The following LRP1B variants were observed in gnomAD, a reference collection of about 807,000 sequenced individuals.
The protein encoded by LRP1B is low-density lipoprotein receptor-related protein 1B.
LRP1B carries 217 observed loss-of-function variants against 556.6 expected under a neutral mutation model. That is an observed-to-expected ratio of 0.39 (90% CI 0.35 to 0.44). The LOEUF is 0.44. LRP1B is among the 20% of genes least tolerant of loss of function. LRP1B has a pLI of 1.00. For synonymous variants in LRP1B, 2,047 were observed against 1,865.8 expected, an observed-to-expected ratio of 1.10 and a Z score of -2.50; for missense variants, 5,053 against 5,620.8, an observed-to-expected ratio of 0.90 and a Z score of 3.23.
chr2:141,590,124 T>G (rs1687284367), intron 2 of LRP1B, among the ~76,000 whole-genome samples: 1 of 152,176 alleles, frequency 6.6e-6, no homozygotes. Context: ...TTTACTTGAT[T>G]CTACCCAGGC....
intron 32 of LRP1B, among the ~76,000 whole-genome samples, chr2:140,793,889 A>G (rs564816839): frequency 5.3e-5 from 8 of 152,152 alleles, no homozygotes; most frequent in African/African-American, 1.9e-4. Flanking sequence ...TTTTTATTTT[A>G]TAGTTTATTT....
At chr2:141,109,717 A>T (rs1054783257) in intron 7 of LRP1B, among the ~76,000 whole-genome samples, 8 of 152,156 alleles carry the variant, frequency 5.3e-5, no homozygotes, top group Non-Finnish European at 1.2e-4. Flanking sequence ...TCAGAAAAAA[A>T]GGAAAGTGAA....
intron 66 of LRP1B, among the ~76,000 whole-genome samples, chr2:140,422,299 G>A (rs941319936): frequency 2.0e-5 from 3 of 152,202 alleles, no homozygotes. Context: ...CTGGGGATAA[G>A]ATGGTGTCAT....
chr2:140,370,524 T>C (rs1283222678), intron 71 of LRP1B, among the ~76,000 whole-genome samples, 186 bp downstream of exon 71: 2 of 152,042 alleles, frequency 1.3e-5, no homozygotes, highest in Non-Finnish European at 2.9e-5. Flanking sequence ...ATTGGGATTA[T>C]ACTCTGTCTG....
At chr2:141,872,969 C>T (rs905625152) in intron 1 of LRP1B, among the ~76,000 whole-genome samples, 2 of 151,922 alleles carry the variant, frequency 1.3e-5, no homozygotes, top group Non-Finnish European at 2.9e-5. Context: ...CAAGTCCTTC[C>T]TGAGGAATCT....
At chr2:141,815,426 G>A (rs1331900211) in intron 1 of LRP1B, among the ~76,000 whole-genome samples, 2 of 152,084 alleles carry the variant, frequency 1.3e-5, no homozygotes, top group Admixed American at 1.3e-4. Flanking sequence ...TCTGTAGCTA[G>A]GATTATAAAA....
intron 31 of LRP1B, among the ~76,000 whole-genome samples, chr2:140,820,680 G>A (rs1390880346): frequency 6.6e-6 from 1 of 151,956 alleles, no homozygotes; most frequent in African/African-American, 2.4e-5. Context: ...ATATTTTATA[G>A]CTTGATAAGT....
chr2:140,427,871 A>G lies in LRP1B; in HGVS notation c.10414+14633T>C, dbSNP rs1025205914. 2.0e-5 allele frequency among the ~76,000 whole-genome samples: 3 copies of G among 151,468 alleles called. No individual in the cohort carries two copies. In the Middle Eastern group the frequency reaches 0.01, roughly 515 times the overall value. On this transcript the variant is annotated intron_variant, in intron 66 of 90. Transcript: ENST00000389484. ...TCCTCCACCCTATAATCCTTTTATC[A>G]CCTCCCTTCCTCACACGGGGTCCGG...
intron 86 of LRP1B, among the ~76,000 whole-genome samples, chr2:140,254,667 C>A (rs1302916258): frequency 6.6e-6 from 1 of 152,088 alleles, no homozygotes; most frequent in Non-Finnish European, 1.5e-5. Flanking sequence ...AATTCTCCTG[C>A]CTCAGCTCCC....
chr2:140,664,126 A>G (rs532932497), intron 41 of LRP1B, among the ~76,000 whole-genome samples: 1 of 152,330 alleles, frequency 6.6e-6, no homozygotes, highest in African/African-American at 2.4e-5. Context: ...TGGTTACAAT[A>G]GTAAGATCAA....
intron 1 of LRP1B, among the ~76,000 whole-genome samples, chr2:141,863,553 G>A (rs1230418072): frequency 6.6e-6 from 1 of 152,128 alleles, no homozygotes; most frequent in East Asian, 1.9e-4. Context: ...CAATAGACTA[G>A]TAATTGCAGA....
chr2:141,794,299 C>T (rs1047274303), intron 2 of LRP1B, among the ~76,000 whole-genome samples: 1 of 151,874 alleles, frequency 6.6e-6, no homozygotes, highest in Admixed American at 6.6e-5. Flanking sequence ...TTTTTGATAT[C>T]AGGAGAGGCT....
chr2:140,738,276 A>G (rs1032657143), intron 35 of LRP1B, among the ~76,000 whole-genome samples: 1 of 152,064 alleles, frequency 6.6e-6, no homozygotes, highest in African/African-American at 2.4e-5. Context: ...TAACATTTGT[A>G]GGTAGTTTCA....
Position 142,115,537 on chromosome 2 carries a change from C to CATATGTAATATATATTAT in LRP1B, c.82+15110_82+15111insATAATATATATTACATAT, listed in dbSNP as rs1707176633. 1.4e-4 allele frequency among the ~76,000 whole-genome samples: 2 copies of CATATGTAATATATATTAT among 14,696 alleles called. 1 individual carries two copies. The highest frequency in any genetic ancestry group is 3.4e-4 in the Non-Finnish European group (2 of 5,964). The allele number at this position is 14,696 out of a possible 152,430, so 9.6% of individuals were successfully genotyped here. On this transcript the variant is annotated intron_variant, in intron 1 of 90. Transcript: ENST00000389484. Reference sequence around the variant, plus strand: ...TATTACATATATAATATATATATTACATATGTAATATATATATTATATATG... The same window carrying CATATGTAATATATATTAT: ...TATTACATATATAATATATATATTACATATGTAATATATATTATATATGTAATATATATATTATATATG...
At chr2:140,310,560 A>G (rs1419917258) in intron 83 of LRP1B, among the ~76,000 whole-genome samples, 1 of 151,888 alleles carries the variant, frequency 6.6e-6, no homozygotes, top group African/African-American at 2.4e-5. Flanking sequence ...ACATGGATCA[A>G]TGGAACAGAC....
At chr2:141,348,038 A>G (rs1375839313) in intron 3 of LRP1B, among the ~76,000 whole-genome samples, 4 of 152,220 alleles carry the variant, frequency 2.6e-5, no homozygotes, top group Non-Finnish European at 5.9e-5. Context: ...CTTTTATACC[A>G]CAACAGACTG....
intron 18 of LRP1B, among the ~76,000 whole-genome samples, chr2:140,964,940 C>T (rs1174534449): frequency 6.6e-6 from 1 of 151,982 alleles, no homozygotes; most frequent in Non-Finnish European, 1.5e-5. Context: ...GGTGAAAGAG[C>T]AAGACTCCAA....
chr2:142,113,523 G>T (rs1388202271), intron 1 of LRP1B, among the ~76,000 whole-genome samples: 1 of 148,534 alleles, frequency 6.7e-6, no homozygotes, highest in Non-Finnish European at 1.5e-5. Flanking sequence ...TTAGGAGAAA[G>T]TGGAAATGAT....
At chr2:142,046,587 AC>A (rs1704268270) in intron 1 of LRP1B, among the ~76,000 whole-genome samples, 1 of 151,974 alleles carries the variant, frequency 6.6e-6, no homozygotes, top group Non-Finnish European at 1.5e-5. Context: ...TTCTGAGTAA[AC>A]AAAAATAGAA....
Sources: allele counts gnomAD v4.1 joint callset (sites outside exome capture counted in the v4.1 genomes callset), GRCh38; gene constraint gnomAD v4.1.1; transcripts MANE v1.5; gene names NCBI Gene and HGNC (gene_info 2026-07-23, HGNC 2026-07-21).